MYO10: variants seen among roughly 807,000 people sequenced by gnomAD.
MYO10 encodes the protein unconventional myosin-X.
Under a neutral mutation model 257.3 loss-of-function variants are expected in MYO10, and 133 were observed. The observed-to-expected ratio is 0.52, with a 90% CI of 0.45 to 0.60. MYO10 has a LOEUF of 0.60. MYO10 is among the 20% of genes least tolerant of loss of function. MYO10 has a pLI of 0.00. For synonymous variants in MYO10, 1,104 were observed against 1,028.6 expected (o/e 1.07, Z -1.40); for missense variants, 2,399 against 2,635.7 (o/e 0.91, Z 1.97).
intron 21 of MYO10, chr5:16,710,702 A>G: frequency 1.7e-6 from 1 of 582,878 alleles, no homozygotes; most frequent in South Asian, 2.1e-5. Context: ...CTAATGAAAC[A>G]GAGTCCCTGA....
chr5:16,763,773 T>A lies in MYO10; in HGVS notation c.1327-18A>T, dbSNP rs745467840. On this transcript the variant is annotated intron_variant, in intron 12 of 40. Coordinates refer to ENST00000513610, the MANE Select transcript of MYO10 (RefSeq NM_012334.3). ...TGATTAACCTAAGGGGGGAAAGCAT[T>A]CAATAAGTATCTTTAGTGTACTCAC... The A allele has an allele frequency of 2.2e-6, 3 of 1,381,826 alleles. No homozygotes were observed. The highest frequency in any genetic ancestry group is 2.4e-5 in the South Asian group (2 of 82,784). The allele number at this position is 1,381,826 out of a possible 1,614,324, so 85.6% of individuals were successfully genotyped here.
chr5:16,923,092 G>T (rs1185114245), intron 1 of MYO10, among the ~76,000 whole-genome samples: 1 of 152,020 alleles, frequency 6.6e-6, no homozygotes, highest in African/African-American at 2.4e-5. Flanking sequence ...GCTTTTTCCT[G>T]CAATAGTAAG....
chr5:16,721,283 C>T (rs1338889813), intron 19 of MYO10, among the ~76,000 whole-genome samples: 3 of 152,194 alleles, frequency 2.0e-5, no homozygotes, highest in Non-Finnish European at 4.4e-5. Flanking sequence ...CTACAATAAA[C>T]TCTCAAGAGT....
intron 19 of MYO10, among the ~76,000 whole-genome samples, chr5:16,752,108 G>A (rs900239679): frequency 2.4e-4 from 37 of 152,180 alleles, no homozygotes; most frequent in African/African-American, 8.7e-4. Flanking sequence ...AAACACTGGG[G>A]ACTGAGTATT....
At chr5:16,783,775 T>C (rs1741493784) in intron 4 of MYO10, among the ~76,000 whole-genome samples, 1 of 152,214 alleles carries the variant, frequency 6.6e-6, no homozygotes, top group African/African-American at 2.4e-5. Context: ...GAAAGAGGGA[T>C]CTTCATTTTG....
intron 18 of MYO10, among the ~76,000 whole-genome samples, chr5:16,757,119 TAAAAA>T (rs58155620): frequency 1.0e-5 from 1 of 100,134 alleles, no homozygotes; most frequent in Non-Finnish European, 1.9e-5. Context: ...ACTCTGCCTT[TAAAAA>T]AAAAAAAAAA....
chr5:16,856,520 A>G (rs140935496), intron 2 of MYO10, among the ~76,000 whole-genome samples: 1,837 of 152,136 alleles, frequency 0.012, 33 homozygotes, highest in Middle Eastern at 0.034. Context: ...ACTGCACTCC[A>G]GCCTGGGTGA....
chr5:16,739,466 A>T (rs887794719), intron 19 of MYO10, among the ~76,000 whole-genome samples: 1 of 152,174 alleles, frequency 6.6e-6, no homozygotes, highest in Non-Finnish European at 1.5e-5. Context: ...GGCTTTAATG[A>T]GGGCAGTTTG....
chr5:16,865,168 A>G (rs1351265800), intron 2 of MYO10, among the ~76,000 whole-genome samples: 3 of 152,206 alleles, frequency 2.0e-5, no homozygotes, highest in Non-Finnish European at 4.4e-5. Context: ...AAAAAAAAGA[A>G]GCCAAAAACT....
chr5:16,852,911 A>C (rs1385320140), intron 2 of MYO10, among the ~76,000 whole-genome samples: 3 of 152,168 alleles, frequency 2.0e-5, no homozygotes, highest in African/African-American at 7.2e-5. Context: ...TTTGCCAAGA[A>C]GGCACAGAGA....
intron 3 of MYO10, among the ~76,000 whole-genome samples, chr5:16,797,389 G>A (rs1370397721): frequency 6.6e-6 from 1 of 152,072 alleles, no homozygotes; most frequent in Non-Finnish European, 1.5e-5. Context: ...CCTGGAATGT[G>A]TTTTGGAAAT....
intron 19 of MYO10, among the ~76,000 whole-genome samples, chr5:16,736,958 G>A (rs907210705): frequency 5.3e-5 from 8 of 151,928 alleles, no homozygotes; most frequent in Non-Finnish European, 1.0e-4. Flanking sequence ...AAGAAAACAC[G>A]ACCAAAGTAT....
chr5:16,801,718 C>T (rs1742126418), intron 3 of MYO10, among the ~76,000 whole-genome samples: 2 of 152,264 alleles, frequency 1.3e-5, no homozygotes, highest in East Asian at 1.9e-4. Flanking sequence ...ATAACATGTC[C>T]GGCATCTGCT....
chr5:16,691,187 G>A (rs368260741), intron 27 of MYO10, among the ~76,000 whole-genome samples: 5 of 150,248 alleles, frequency 3.3e-5, no homozygotes, highest in Non-Finnish European at 5.9e-5. Context: ...GGAGAATGGC[G>A]TGAACCCAGG....
At chr5:16,918,822 CCTCA>C (rs1745900201) in intron 1 of MYO10, among the ~76,000 whole-genome samples, 1 of 152,034 alleles carries the variant, frequency 6.6e-6, no homozygotes, top group South Asian at 2.1e-4. Context: ...TTTTTCGAGC[CCTCA>C]CTCGGAACAG....
chr5:16,699,385 C>T (rs1737917244), intron 26 of MYO10, 65 bp downstream of exon 26: 1 of 1,563,318 alleles, frequency 6.4e-7, no homozygotes, highest in Non-Finnish European at 8.7e-7. Flanking sequence ...CGCCATCCAT[C>T]AGCCCGGATA....
At chr5:16,672,860 G>A in intron 36 of MYO10, 35 bp from the exon 37 acceptor site, 2 of 1,603,508 alleles carry the variant, frequency 1.2e-6, no homozygotes, top group Non-Finnish European at 1.7e-6. Flanking sequence ...CAGTTCCACA[G>A]GCTGCGGCCC....
chr5:16,744,326 T>C (rs1049876193), intron 19 of MYO10, among the ~76,000 whole-genome samples: 10 of 152,260 alleles, frequency 6.6e-5, no homozygotes, highest in Middle Eastern at 3.4e-3. Flanking sequence ...CCTCCCTCAG[T>C]AGGTACTGTC....
rs551263684 is a variant in MYO10, at chr5:16,861,504, G to A, written c.120+16105C>T. On this transcript the variant is annotated intron_variant, in intron 2 of 40. Coordinates refer to ENST00000513610, the MANE Select transcript of MYO10 (RefSeq NM_012334.3). ...GGAGAATCACTTGAACCCAGGAGGC[G>A]GAGGTTGCAGTGAGCTGAGATCGCG... 1.3e-3 allele frequency among the ~76,000 whole-genome samples: 199 copies of A among 152,162 alleles called. 2 individuals are homozygous for A. The highest frequency in any genetic ancestry group is 4.7e-3 in the African/African-American group (194 of 41,514).
Sources: allele counts gnomAD v4.1 joint callset (sites outside exome capture counted in the v4.1 genomes callset), GRCh38; gene constraint gnomAD v4.1.1; transcripts MANE v1.5; gene names NCBI Gene and HGNC (gene_info 2026-07-23, HGNC 2026-07-21).